Variants in THEMIS observed in about 807,000 individuals in gnomAD.
The protein encoded by THEMIS is thymocyte selection associated.
A neutral mutation model predicts 52.6 loss-of-function variants in THEMIS; 37 were observed. The observed-to-expected ratio is 0.70, with a 90% CI of 0.54 to 0.93. The LOEUF is 0.93. Among genes scored for constraint, THEMIS ranks in the 40% least tolerant of loss-of-function variants. The probability of loss-of-function intolerance (pLI) is 0.00; values close to 1 mark genes in which losing one functional copy is unlikely to be tolerated. For missense variants in THEMIS, 808 were observed against 763.1 expected, an observed-to-expected ratio of 1.06 and a Z score of -0.69; for synonymous variants, 292 against 272.7, an observed-to-expected ratio of 1.07 and a Z score of -0.70.
At chr6:127,860,568 T>C (rs1309074016) in intron 1 of THEMIS, among the ~76,000 whole-genome samples, 1 of 152,064 alleles carries the variant, frequency 6.6e-6, no homozygotes, top group South Asian at 2.1e-4. Flanking sequence ...AAGACTGAAA[T>C]ATGCAAAAGA....
chr6:127,714,206 T>C (rs1405999424), intron 5 of THEMIS, among the ~76,000 whole-genome samples: 1 of 151,784 alleles, frequency 6.6e-6, no homozygotes, highest in East Asian at 1.9e-4. Context: ...TTGAAACACA[T>C]CCCCGTGGTA....
At position 127,866,100 on chromosome 6, in the gene THEMIS, T is replaced by C. The variant is rs576010418; in HGVS notation, c.92-10912A>G. ...AGTGTTGTAACTCACACTCCTTATA[T>C]TTGTAAAATATTGTACTTGATTTAT... is the stretch of plus-strand genomic sequence containing the variant. On this transcript the variant is annotated intron_variant, in intron 1 of 5. Coordinates refer to ENST00000368248, the MANE Select transcript of THEMIS (RefSeq NM_001010923.3). Among the ~76,000 whole-genome samples, 5 of 152,204 alleles carry C rather than the reference T, an allele frequency of 3.3e-5. No individual in the cohort carries two copies. In the East Asian group the frequency reaches 9.7e-4, roughly 29 times the overall value.
intron 1 of THEMIS, among the ~76,000 whole-genome samples, chr6:127,866,969 A>ATTTATTTT (rs5879863): frequency 1.3e-5 from 2 of 150,438 alleles, no homozygotes; most frequent in African/African-American, 4.9e-5. Context: ...TTATTTATTT[A>ATTTATTTT]TTTATTTATT....
At chr6:127,841,635 G>A (rs1779050040) in intron 2 of THEMIS, among the ~76,000 whole-genome samples, 1 of 151,760 alleles carries the variant, frequency 6.6e-6, no homozygotes, top group Admixed American at 6.6e-5. Context: ...TGCAAAAGCT[G>A]TTTGTCTTTT....
At chr6:127,765,109 A>G (rs1046999343) in intron 4 of THEMIS, among the ~76,000 whole-genome samples, 5 of 151,526 alleles carry the variant, frequency 3.3e-5, no homozygotes, top group African/African-American at 1.2e-4. Context: ...TTAAAAATTC[A>G]GTAATGCAGA....
chr6:127,853,086 A>C (rs930051916), intron 2 of THEMIS, among the ~76,000 whole-genome samples: 1 of 151,648 alleles, frequency 6.6e-6, no homozygotes, highest in Non-Finnish European at 1.5e-5. Flanking sequence ...TATTATGTGC[A>C]TCTTTTTCTA....
At chr6:127,864,002 T>C (rs909401607) in intron 1 of THEMIS, among the ~76,000 whole-genome samples, 1 of 152,196 alleles carries the variant, frequency 6.6e-6, no homozygotes, top group Non-Finnish European at 1.5e-5. Flanking sequence ...TAAGGATTAT[T>C]TCCCCAGGAA....
the THEMIS span, among the ~76,000 whole-genome samples, chr6:127,698,999 T>A: frequency 8.4e-4 from 127 of 152,030 alleles, no homozygotes; most frequent in African/African-American, 2.5e-3. Context: ...ACATTTTTTT[T>A]AAAAAGGCCA....
intron 2 of THEMIS, among the ~76,000 whole-genome samples, chr6:127,840,811 C>T (rs1365707185): frequency 7.2e-5 from 11 of 151,922 alleles, no homozygotes; most frequent in Non-Finnish European, 1.5e-4. Context: ...ATGTAAGAAC[C>T]TTAAATATGT....
chr6:127,911,749 T>C (rs1361828160), intron 1 of THEMIS, among the ~76,000 whole-genome samples: 1 of 151,464 alleles, frequency 6.6e-6, no homozygotes, highest in Non-Finnish European at 1.5e-5. Flanking sequence ...AATGCCAGGA[T>C]GTCCAGGCAG....
chr6:127,888,121 G>C (rs1780700204), intron 1 of THEMIS, among the ~76,000 whole-genome samples: 1 of 152,084 alleles, frequency 6.6e-6, no homozygotes, highest in Non-Finnish European at 1.5e-5. Context: ...TTTAAGGCAG[G>C]AGAATATCCC....
At chr6:127,908,022 C>T (rs1198328362) in intron 1 of THEMIS, among the ~76,000 whole-genome samples, 2 of 152,062 alleles carry the variant, frequency 1.3e-5, no homozygotes, top group Non-Finnish European at 2.9e-5. Context: ...CAAAATGCAA[C>T]ATGCAAAATG....
At chr6:127,785,840 ATAAT>A (rs1287031720) in intron 4 of THEMIS, among the ~76,000 whole-genome samples, 1 of 152,066 alleles carries the variant, frequency 6.6e-6, no homozygotes, top group Non-Finnish European at 1.5e-5. Context: ...CTTATTTTTC[ATAAT>A]TAATTATTGT....
At chr6:127,776,930 C>A (rs916440026) in intron 4 of THEMIS, among the ~76,000 whole-genome samples, 1 of 152,064 alleles carries the variant, frequency 6.6e-6, no homozygotes, top group East Asian at 1.9e-4. Flanking sequence ...GCCTTTATAT[C>A]TGGTAATATT....
At chr6:127,883,445 T>C (rs917687303) in intron 1 of THEMIS, among the ~76,000 whole-genome samples, 3 of 151,746 alleles carry the variant, frequency 2.0e-5, no homozygotes, top group African/African-American at 7.2e-5. Flanking sequence ...TATGTGTATA[T>C]ATATACATAT....
intron 4 of THEMIS, among the ~76,000 whole-genome samples, chr6:127,770,023 T>C (rs1262234624): frequency 1.3e-5 from 2 of 152,248 alleles, no homozygotes; most frequent in Admixed American, 1.3e-4. Context: ...GGTCTATCAT[T>C]GATGGACATT....
intron 1 of THEMIS, among the ~76,000 whole-genome samples, chr6:127,912,602 G>C (rs945827848): frequency 6.6e-6 from 1 of 152,106 alleles, no homozygotes; most frequent in African/African-American, 2.4e-5. Flanking sequence ...TTAGACCCAG[G>C]GATGACTTGT....
chr6:127,861,612 G>A (rs1340785749), intron 1 of THEMIS, among the ~76,000 whole-genome samples: 2 of 151,524 alleles, frequency 1.3e-5, no homozygotes, highest in African/African-American at 2.4e-5. Context: ...GGTGAAACCT[G>A]TCTCTACTAA....
chr6:127,841,369 G>C (rs1416303760), intron 2 of THEMIS, among the ~76,000 whole-genome samples: 1 of 152,046 alleles, frequency 6.6e-6, no homozygotes, highest in African/African-American at 2.4e-5. Flanking sequence ...CCTCTCATGA[G>C]AATCCTTCCC....
Sources: allele counts gnomAD v4.1 joint callset (sites outside exome capture counted in the v4.1 genomes callset), GRCh38; gene constraint gnomAD v4.1.1; transcripts MANE v1.5; gene names NCBI Gene and HGNC (gene_info 2026-07-23, HGNC 2026-07-21).